Variants in UBE2W observed in about 807,000 individuals in gnomAD.
UBE2W encodes the protein ubiquitin-conjugating enzyme E2 W.
A neutral mutation model predicts 27.2 loss-of-function variants in UBE2W; 18 were observed. That is an observed-to-expected ratio of 0.66 (90% confidence interval 0.46 to 0.98). The LOEUF is 0.98. Among genes scored for constraint, UBE2W ranks in the 50% least tolerant of loss-of-function variants. The pLI is 0.00. For synonymous variants in UBE2W, 53 were observed against 57.2 expected (o/e 0.93, Z 0.33); for missense variants, 90 against 180.2 (o/e 0.50, Z 2.87).
chr8:73,868,768 A>G (rs953367272), intron 1 of UBE2W, among the ~76,000 whole-genome samples: 1 of 152,026 alleles, frequency 6.6e-6, no homozygotes, highest in African/African-American at 2.4e-5. Flanking sequence ...GTGGGCGAGT[A>G]CATAAGAAAA....
At chr8:73,833,994 C>T (rs911574561) in intron 1 of UBE2W, 1 of 152,170 alleles carries the variant, frequency 6.6e-6, no homozygotes, top group South Asian at 2.1e-4. Flanking sequence ...GAACTCCTGC[C>T]GCAGCTTTCC....
chr8:73,817,980 C>G (rs1809462635), intron 3 of UBE2W, among the ~76,000 whole-genome samples: 1 of 152,176 alleles, frequency 6.6e-6, no homozygotes, highest in South Asian at 2.1e-4. Context: ...ACTACAAGAG[C>G]CCATGCTCAC....
exon 5 of UBE2W, chr8:73,780,438 C>G (rs1290892038): frequency 4.5e-6 from 2 of 445,490 alleles, no homozygotes; most frequent in East Asian, 1.4e-4. Context: ...ATTTGAGGTA[C>G]TGGGAGTTAA....
Position 73,787,071 on chromosome 8 carries a change from T to C in UBE2W, c.*7031A>G. 1.0e-6 allele frequency: 1 copy of C among 985,432 alleles called. No homozygotes were observed. The allele number at this position is 985,432 out of a possible 1,614,324, so 61.0% of individuals were successfully genotyped here. Reference sequence around the variant, plus strand: ...TAGTTGATAAACTTTCCTTATTATTTCCATAATCCACTTAACTGTAAAGGG... The same window carrying C: ...TAGTTGATAAACTTTCCTTATTATTCCCATAATCCACTTAACTGTAAAGGG... On this transcript the variant is annotated 3_prime_UTR_variant, in exon 6 of 6. Transcript: ENST00000602593.
At chr8:73,805,472 C>CAAAAACAAAAAAAA (rs1554579999) in intron 5 of UBE2W, among the ~76,000 whole-genome samples, 179 bp downstream of exon 5, 2 of 43,692 alleles carry the variant, frequency 4.6e-5, no homozygotes, top group South Asian at 9.3e-4. Context: ...AAAAAAAAAA[C>CAAAAACAAAAAAAA]AAAAAAAACT....
At chr8:73,853,571 T>A (rs922130473) in intron 1 of UBE2W, among the ~76,000 whole-genome samples, 3 of 152,200 alleles carry the variant, frequency 2.0e-5, no homozygotes, top group Admixed American at 6.6e-5. Flanking sequence ...CAGCAAAATA[T>A]ATTTAATTGG....
At chr8:73,821,770 G>A (rs956235621) in intron 3 of UBE2W, among the ~76,000 whole-genome samples, 9 of 152,108 alleles carry the variant, frequency 5.9e-5, no homozygotes, top group African/African-American at 1.7e-4. Context: ...GGCCAAGGAG[G>A]TGGGCTGATC....
In UBE2W at chr8:73,861,436, G is replaced by A. The variant is rs192161743; in HGVS notation, c.15+17372C>T. Among the ~76,000 whole-genome samples, 38 of 152,196 alleles carry A rather than the reference G, an allele frequency of 2.5e-4. No individual in the cohort carries two copies. The South Asian group carries it at 5.6e-3, about 22-fold the overall frequency. ...ACCTAGAAAGGACTATTCTTGGTAC[G>A]GGGCCCTGATATGGTTTGATACAGG... On this transcript the variant is annotated intron_variant, in intron 1 of 5. Transcript: ENST00000602593.
intron 1 of UBE2W, among the ~76,000 whole-genome samples, chr8:73,844,175 TGCACGGA>T (rs1810666203): frequency 9.0e-4 from 3 of 3,328 alleles, no homozygotes; most frequent in African/African-American, 2.4e-3. Context: ...CCTCCCCCTC[TGCACGGA>T]CTCCCTCTGA....
chr8:73,848,319 C>T (rs982402569), intron 1 of UBE2W, among the ~76,000 whole-genome samples: 1 of 152,082 alleles, frequency 6.6e-6, no homozygotes, highest in African/African-American at 2.4e-5. Context: ...TGAAGTCAGA[C>T]AGAAAAATAA....
rs1286706513 is a variant in UBE2W, at chr8:73,844,622, G to A, written c.16-14150C>T. ...CCTGGCCGCCCATCGTCTGGGATGT[G>A]AGGAGCCCCTCTGCCCGGCCGCCCA... On this transcript the variant is annotated intron_variant, in intron 1 of 5. Transcript: ENST00000602593. Among the ~76,000 whole-genome samples the A allele has an allele frequency of 4.0e-5, 6 of 151,558 alleles. 1 individual carries two copies. The highest frequency in any genetic ancestry group is 1.5e-4 in the African/African-American group (6 of 41,184).
chr8:73,845,252 C>T (rs1426733744), intron 1 of UBE2W, among the ~76,000 whole-genome samples: 4 of 152,124 alleles, frequency 2.6e-5, no homozygotes, highest in South Asian at 2.1e-4. Context: ...ATGACGATGG[C>T]GGTTTTGTCG....
At position 73,790,668 on chromosome 8, in the gene UBE2W, T is replaced by C. The variant is rs1808153061; in HGVS notation, c.*3434A>G. On this transcript the variant is annotated 3_prime_UTR_variant, in exon 6 of 6. Coordinates refer to ENST00000602593, the MANE Select transcript of UBE2W (RefSeq NM_018299.6). ...TTTTGTAACACACAGTACCTCCTCTTCTCTTCTATTTTTAGGAAGAAGTTA... is the reference window on the plus strand; with the variant it reads ...TTTTGTAACACACAGTACCTCCTCTCCTCTTCTATTTTTAGGAAGAAGTTA... 2.0e-6 allele frequency: 2 copies of C among 982,506 alleles called. No individual in the cohort carries two copies. The highest frequency in any genetic ancestry group is 2.4e-6 in the Non-Finnish European group (2 of 827,378). 60.9% of individuals were successfully genotyped at this position (982,506 alleles called of 1,614,324 possible).
At chr8:73,802,706 A>G (rs1808697490) in intron 5 of UBE2W, among the ~76,000 whole-genome samples, 1 of 152,166 alleles carries the variant, frequency 6.6e-6, no homozygotes, top group Admixed American at 6.6e-5. Flanking sequence ...CCTGGCCAAC[A>G]TGGCAAAACC....
rs1452499256 is a variant in UBE2W at position 73,830,482 on chromosome 8, A to C, written c.16-10T>G. On this transcript the variant is annotated splice_polypyrimidine_tract_variant and intron_variant, in intron 1 of 5. Transcript: ENST00000602593. ...CTTTCTGTAGTCGTTTCTAGAAAAG[A>C]ACATCAATAATAATTTGTCCTTTTT... 1 of 1,610,316 alleles carries C rather than the reference A, an allele frequency of 6.2e-7. No homozygotes were observed. The highest frequency in any genetic ancestry group is 8.5e-7 in the Non-Finnish European group (1 of 1,176,622).
chr8:73,831,205 A>G, intron 1 of UBE2W: 1 of 437,642 alleles, frequency 2.3e-6, no homozygotes, highest in Non-Finnish European at 4.2e-6. Flanking sequence ...TTCCTGGAGA[A>G]TCTGCTGGAA....
At chr8:73,846,333 T>C (rs960538852) in intron 1 of UBE2W, among the ~76,000 whole-genome samples, 1 of 151,928 alleles carries the variant, frequency 6.6e-6, no homozygotes, top group Non-Finnish European at 1.5e-5. Flanking sequence ...GAGGCAGAGG[T>C]CGCAGTGAGT....
intron 1 of UBE2W, among the ~76,000 whole-genome samples, chr8:73,862,297 G>A (rs1011733202): frequency 6.6e-6 from 1 of 152,108 alleles, no homozygotes; most frequent in Non-Finnish European, 1.5e-5. Context: ...TAGGTCTAAC[G>A]TTTAAATCTT....
chr8:73,870,174 A>AT (rs1811944088), intron 1 of UBE2W: 2 of 1,298,738 alleles, frequency 1.5e-6, no homozygotes, highest in Non-Finnish European at 2.2e-6. Flanking sequence ...AAAATTGTGC[A>AT]TTAAAAGGAT....
Sources: gnomAD v4.1 joint callset for allele counts (sites outside exome capture counted in the v4.1 genomes callset) on GRCh38, gnomAD v4.1.1 for gene constraint, MANE v1.5 for transcripts, NCBI Gene and HGNC (gene_info 2026-07-23, HGNC 2026-07-21) for gene names.